The following FRMD3 variants were observed in gnomAD, a reference collection of about 807,000 sequenced individuals.
FRMD3 encodes the protein FERM domain-containing protein 3.
A neutral mutation model predicts 70.2 loss-of-function variants in FRMD3; 33 were observed. The observed-to-expected ratio is 0.47, with a 90% CI of 0.36 to 0.63. The LOEUF (loss-of-function observed/expected upper bound fraction) is 0.63, where lower values mean the gene tolerates loss of function less well. FRMD3 is among the 20% of genes least tolerant of loss of function. The pLI, the probability that FRMD3 is intolerant of heterozygous loss-of-function variation, is 0.00. For missense variants in FRMD3, 632 were observed against 711.4 expected (o/e 0.89, Z 1.27); for synonymous variants, 279 against 255.9 (o/e 1.09, Z -0.86).
At chr9:83,582,236 C>T in the FRMD3 span, among the ~76,000 whole-genome samples, 3 of 151,908 alleles carry the variant, frequency 2.0e-5, no homozygotes, top group Non-Finnish European at 2.9e-5. Flanking sequence ...TGCATCCAGC[C>T]GAAAAGCAAT....
intron 1 of FRMD3, among the ~76,000 whole-genome samples, chr9:83,526,047 A>G (rs770233444): frequency 5.3e-4 from 80 of 152,160 alleles, no homozygotes; most frequent in Non-Finnish European, 2.5e-4. Context: ...CCAACTGTCT[A>G]TTGAGAATTC....
At chr9:83,284,072 T>G (rs1176820717) in intron 13 of FRMD3, among the ~76,000 whole-genome samples, 1 of 150,250 alleles carries the variant, frequency 6.7e-6, no homozygotes, top group African/African-American at 2.4e-5. Context: ...TTTTTTTTTT[T>G]TTTTTTTTTT....
At chr9:83,420,497 G>T (rs1587836359) in intron 1 of FRMD3, among the ~76,000 whole-genome samples, 2 of 152,072 alleles carry the variant, frequency 1.3e-5, no homozygotes, top group East Asian at 3.9e-4. Context: ...TCTCCTAATG[G>T]CAACAGTAAA....
chr9:83,280,756 T>C (rs1345751006), intron 13 of FRMD3, among the ~76,000 whole-genome samples: 4 of 152,200 alleles, frequency 2.6e-5, no homozygotes, highest in African/African-American at 7.2e-5. Context: ...ATAAAACCTA[T>C]ACAACAGAAA....
chr9:83,521,425 G>A (rs1048093438), intron 1 of FRMD3, among the ~76,000 whole-genome samples: 34 of 152,178 alleles, frequency 2.2e-4, no homozygotes, highest in African/African-American at 7.0e-4. Flanking sequence ...ATTCAAGGCC[G>A]CAGTGAGCTA....
intron 12 of FRMD3, 115 bp from the exon 13 acceptor site, chr9:83,290,842 C>T: frequency 9.3e-7 from 1 of 1,079,872 alleles, no homozygotes; most frequent in Middle Eastern, 2.9e-4. Flanking sequence ...CCTCCAGACA[C>T]AGTGAATTGA....
intron 3 of FRMD3, among the ~76,000 whole-genome samples, chr9:83,351,561 A>G (rs1000644156): frequency 3.9e-5 from 6 of 152,208 alleles, no homozygotes; most frequent in African/African-American, 1.4e-4. Context: ...AATGATATCT[A>G]GAAATTCAGT....
intron 10 of FRMD3, among the ~76,000 whole-genome samples, chr9:83,308,386 C>G (rs1383145348): frequency 1.3e-5 from 2 of 152,198 alleles, no homozygotes; most frequent in African/African-American, 4.8e-5. Flanking sequence ...GTTTCAAAAT[C>G]ATTATCCAAG....
intron 2 of FRMD3, 108 bp from the exon 3 acceptor site, chr9:83,373,063 G>C (rs1309767352): frequency 3.4e-6 from 3 of 880,556 alleles, no homozygotes; most frequent in African/African-American, 3.4e-5. Flanking sequence ...GGTTTCCATA[G>C]ATACTCTCCA....
chr9:83,391,293 A>C (rs1159667319), intron 1 of FRMD3, among the ~76,000 whole-genome samples: 1 of 152,228 alleles, frequency 6.6e-6, no homozygotes, highest in Non-Finnish European at 1.5e-5. Context: ...CAAATGACAA[A>C]GCTATACCTA....
chr9:83,270,885 G>T (rs931632058), intron 13 of FRMD3, among the ~76,000 whole-genome samples: 1 of 150,188 alleles, frequency 6.7e-6, no homozygotes, highest in African/African-American at 2.5e-5. Flanking sequence ...TCAAGAGGAA[G>T]ACTGTGAGGA....
chr9:83,448,702 T>C (rs1232748774), intron 1 of FRMD3, among the ~76,000 whole-genome samples: 4 of 152,188 alleles, frequency 2.6e-5, no homozygotes, highest in Non-Finnish European at 2.9e-5. Context: ...AAAGCAGATC[T>C]GATTTTCAAG....
At chr9:83,261,764 C>T (rs1014877661) in intron 13 of FRMD3, among the ~76,000 whole-genome samples, 2 of 152,214 alleles carry the variant, frequency 1.3e-5, no homozygotes, top group African/African-American at 4.8e-5. Flanking sequence ...CACTCTATCA[C>T]TCTTTTGGAT....
chr9:83,332,556 G>C (rs1442409477), intron 6 of FRMD3, among the ~76,000 whole-genome samples: 1 of 152,066 alleles, frequency 6.6e-6, no homozygotes, highest in African/African-American at 2.4e-5. Context: ...CTCTCTCAGA[G>C]ATCACAGGAG....
intron 13 of FRMD3, among the ~76,000 whole-genome samples, chr9:83,257,940 A>G (rs1364323025): frequency 6.6e-6 from 1 of 152,242 alleles, no homozygotes; most frequent in African/African-American, 2.4e-5. Context: ...GTTAACTAAT[A>G]TTACCTTTTA....
intron 1 of FRMD3, among the ~76,000 whole-genome samples, chr9:83,513,299 A>C (rs1410310081): frequency 6.6e-6 from 1 of 152,240 alleles, no homozygotes; most frequent in Non-Finnish European, 1.5e-5. Context: ...AGGAAAAAGG[A>C]AATTCTGGAA....
intron 13 of FRMD3, among the ~76,000 whole-genome samples, chr9:83,279,979 T>G (rs540923909): frequency 6.6e-6 from 1 of 152,058 alleles, no homozygotes; most frequent in African/African-American, 2.4e-5. Context: ...AAAAGTAAAA[T>G]AAAACTGTCT....
intron 6 of FRMD3, among the ~76,000 whole-genome samples, chr9:83,323,147 T>C (rs1835866048): frequency 6.6e-6 from 1 of 152,230 alleles, no homozygotes; most frequent in South Asian, 2.1e-4. Context: ...TGAACATGTT[T>C]ACCCTATAAT....
chr9:83,296,678 G>C (rs1357677011), intron 12 of FRMD3, among the ~76,000 whole-genome samples: 3 of 152,196 alleles, frequency 2.0e-5, no homozygotes, highest in Admixed American at 6.5e-5. Flanking sequence ...CCAGGTCCTT[G>C]TTTGCAGTAA....
Sources: gnomAD v4.1 joint callset for allele counts (sites outside exome capture counted in the v4.1 genomes callset) on GRCh38, gnomAD v4.1.1 for gene constraint, MANE v1.5 for transcripts, NCBI Gene and HGNC (gene_info 2026-07-23, HGNC 2026-07-21) for gene names.